The following SLC35F4 variants were observed in gnomAD, a reference collection of about 807,000 sequenced individuals.
SLC35F4 encodes the protein chromosome 14 open reading frame 36.
A neutral mutation model predicts 44.2 loss-of-function variants in SLC35F4; 24 were observed. The ratio of observed to expected loss-of-function variants is 0.54; its 90% CI spans 0.39 to 0.76. SLC35F4 has a LOEUF of 0.76. Ranked by LOEUF, SLC35F4 falls within the 30% of genes least tolerant of loss-of-function variation. The pLI is 0.00. For missense variants in SLC35F4, 562 were observed against 586.1 expected (o/e 0.96, Z 0.42); for synonymous variants, 238 against 223.6 (o/e 1.06, Z -0.57).
intron 1 of SLC35F4, among the ~76,000 whole-genome samples, chr14:57,926,690 C>T (rs1015642431): frequency 7.5e-6 from 1 of 133,030 alleles, no homozygotes; most frequent in Non-Finnish European, 1.5e-5. Flanking sequence ...TTTACCATTC[C>T]TTTTATAAAA....
chr14:57,798,560 T>C (rs559503628), intron 1 of SLC35F4, among the ~76,000 whole-genome samples: 2 of 152,336 alleles, frequency 1.3e-5, no homozygotes, highest in East Asian at 3.9e-4. Context: ...TCCTGTCATA[T>C]TATCTGAGCC....
intron 1 of SLC35F4, among the ~76,000 whole-genome samples, chr14:57,803,549 G>GA (rs1224842562): frequency 6.8e-6 from 1 of 146,248 alleles, no homozygotes; most frequent in Non-Finnish European, 1.5e-5. Flanking sequence ...CCTATATCTA[G>GA]AAAACCCCAT....
At chr14:57,830,041 A>G (rs1475953371) in intron 1 of SLC35F4, among the ~76,000 whole-genome samples, 1 of 152,220 alleles carries the variant, frequency 6.6e-6, no homozygotes, top group Non-Finnish European at 1.5e-5. Context: ...CTACAGTTTT[A>G]ATTTTGAAGA....
At chr14:57,881,814 G>A (rs28454428) in intron 1 of SLC35F4, among the ~76,000 whole-genome samples, 12,535 of 152,040 alleles carry the variant, frequency 0.082, 745 homozygotes, top group African/African-American at 0.17. Flanking sequence ...AACCCAATCT[G>A]GTTTAAAGCT....
At chr14:57,876,092 T>G (rs1291125007) in intron 1 of SLC35F4, among the ~76,000 whole-genome samples, 2 of 152,156 alleles carry the variant, frequency 1.3e-5, no homozygotes, top group African/African-American at 4.8e-5. Context: ...TTGCATGACA[T>G]GTAATTCCAA....
At chr14:57,862,613 CG>C (rs1361479370) in intron 1 of SLC35F4, among the ~76,000 whole-genome samples, 3 of 152,230 alleles carry the variant, frequency 2.0e-5, no homozygotes, top group Non-Finnish European at 4.4e-5. Flanking sequence ...CAGATCTTTG[CG>C]CTAGCTATTC....
intron 1 of SLC35F4, among the ~76,000 whole-genome samples, chr14:57,841,776 T>C (rs571186550): frequency 6.6e-4 from 100 of 152,276 alleles, no homozygotes; most frequent in African/African-American, 2.4e-3. Flanking sequence ...AAACACATTG[T>C]GCAAGATATC....
intron 2 of SLC35F4, among the ~76,000 whole-genome samples, chr14:57,591,270 G>A (rs904058311): frequency 6.6e-6 from 1 of 150,806 alleles, no homozygotes; most frequent in Non-Finnish European, 1.5e-5. Flanking sequence ...CAGATACAAT[G>A]CCAGACAAGT....
At chr14:57,618,736 G>C (rs936504336) in intron 1 of SLC35F4, among the ~76,000 whole-genome samples, 2 of 152,194 alleles carry the variant, frequency 1.3e-5, no homozygotes, top group Non-Finnish European at 1.5e-5. Context: ...GGAGCAAAGT[G>C]GTCTGCCTTG....
rs1310399819 is a variant in SLC35F4, at chr14:57,856,123, CTACCTCCCGAGTAGCTGGGAT to C, written c.103+9579_103+9599del. Among the ~76,000 whole-genome samples the C allele has an allele frequency of 2.6e-5, 4 of 151,912 alleles. No homozygotes were observed. The East Asian group carries it at 7.7e-4, about 29-fold the overall frequency. On this transcript the variant is annotated intron_variant, in intron 1 of 7. Transcript: ENST00000556826. ...CCAGGTTCAAGTGATTCTCCTGTCT[CTACCTCCCGAGTAGCTGGGAT>C]TACAGGCATGCACCACCATGCTCAG...
At chr14:57,592,285 A>G (rs1177376778) in intron 2 of SLC35F4, among the ~76,000 whole-genome samples, 1 of 152,212 alleles carries the variant, frequency 6.6e-6, no homozygotes, top group Non-Finnish European at 1.5e-5. Context: ...TAGCTTCTTT[A>G]TCTGTCCAAC....
chr14:57,667,753 G>A (rs1226786071), intron 1 of SLC35F4, among the ~76,000 whole-genome samples: 1 of 151,498 alleles, frequency 6.6e-6, no homozygotes. Flanking sequence ...ATTTGGGTTG[G>A]TTCCGAGTCT....
At chr14:57,871,694 C>T (rs1888299831) in intron 1 of SLC35F4, among the ~76,000 whole-genome samples, 1 of 152,148 alleles carries the variant, frequency 6.6e-6, no homozygotes, top group African/African-American at 2.4e-5. Flanking sequence ...GCACTTCCTG[C>T]CCCCTTGTGG....
At chr14:57,893,552 T>C (rs1368040591) in intron 1 of SLC35F4, among the ~76,000 whole-genome samples, 1 of 152,174 alleles carries the variant, frequency 6.6e-6, no homozygotes, top group Non-Finnish European at 1.5e-5. Flanking sequence ...GAAACCATTG[T>C]ACTTATTTCA....
intron 1 of SLC35F4, among the ~76,000 whole-genome samples, chr14:57,811,962 A>G (rs62004963): frequency 0.028 from 4,296 of 152,300 alleles, 121 homozygotes; most frequent in African/African-American, 0.074. Flanking sequence ...AGCCTGGGTG[A>G]GAGAGCAAGA....
intron 1 of SLC35F4, among the ~76,000 whole-genome samples, chr14:57,878,523 C>A (rs937264491): frequency 1.3e-5 from 2 of 152,114 alleles, no homozygotes; most frequent in African/African-American, 4.8e-5. Flanking sequence ...CTTTTGAGAT[C>A]TCTGAAAAAG....
intron 1 of SLC35F4, among the ~76,000 whole-genome samples, chr14:57,720,622 G>T (rs1215337093): frequency 6.6e-6 from 1 of 152,044 alleles, no homozygotes; most frequent in African/African-American, 2.4e-5. Context: ...CTGAGTGTCA[G>T]CTTGATTGGA....
chr14:57,690,002 C>A (rs2075182714), intron 1 of SLC35F4, among the ~76,000 whole-genome samples: 1 of 152,118 alleles, frequency 6.6e-6, no homozygotes, highest in Admixed American at 6.6e-5. Flanking sequence ...ACAAATCATG[C>A]TTTCTGCCAC....
intron 1 of SLC35F4, among the ~76,000 whole-genome samples, chr14:57,896,329 AC>A (rs747628149): frequency 4.6e-5 from 7 of 152,322 alleles, no homozygotes; most frequent in South Asian, 2.1e-4. Context: ...TCATAGACAT[AC>A]TTTTATGAAG....
Sources: allele counts gnomAD v4.1 joint callset (sites outside exome capture counted in the v4.1 genomes callset), GRCh38; gene constraint gnomAD v4.1.1; transcripts MANE v1.5; gene names NCBI Gene and HGNC (gene_info 2026-07-23, HGNC 2026-07-21).